Variants in SRFBP1 observed in about 807,000 individuals in gnomAD.
SRFBP1 encodes serum response factor-binding protein 1.
SRFBP1 carries 47 observed loss-of-function variants against 45.5 expected under a neutral mutation model. That is an observed-to-expected ratio of 1.03 (90% CI 0.82 to 1.32). The LOEUF (loss-of-function observed/expected upper bound fraction) is 1.32. Ranked by LOEUF, SRFBP1 falls within the 40% of genes most tolerant of loss-of-function variation. The probability of loss-of-function intolerance (pLI) is 0.00; values close to 1 mark genes in which losing one functional copy is unlikely to be tolerated. For synonymous variants in SRFBP1, 203 were observed against 166.3 expected (o/e 1.22, Z -1.70); for missense variants, 621 against 484.6 (o/e 1.28, Z -2.64).
At chr5:121,993,387 A>C (rs570773636) in intron 3 of SRFBP1, among the ~76,000 whole-genome samples, 1 of 152,312 alleles carries the variant, frequency 6.6e-6, no homozygotes, top group African/African-American at 2.4e-5. Context: ...GGTCTTGTTT[A>C]AATTGTCCTA....
chr5:122,003,755 T>G (rs563054445), intron 4 of SRFBP1, among the ~76,000 whole-genome samples: 142 of 152,312 alleles, frequency 9.3e-4, no homozygotes, highest in African/African-American at 3.3e-3. Context: ...TAGCCATTCT[T>G]ATGGGTTAGA....
At chr5:122,031,625 C>T (rs1753589132), downstream of SRFBP1, among the ~76,000 whole-genome samples, 1 of 152,086 alleles carries the variant, frequency 6.6e-6, no homozygotes, top group South Asian at 2.1e-4. Context: ...ATGAAAGTCT[C>T]ATGTCAACCA....
intron 4 of SRFBP1, among the ~76,000 whole-genome samples, chr5:121,997,381 C>G (rs1435755453): frequency 1.3e-5 from 2 of 151,342 alleles, no homozygotes; most frequent in African/African-American, 2.4e-5. Flanking sequence ...ACTGTCTGAT[C>G]TTTGACAAAC....
At chr5:122,077,826 C>T (rs1403412780), downstream of SRFBP1, 6 of 1,552,222 alleles carry the variant, frequency 3.9e-6, no homozygotes, top group Admixed American at 3.9e-5. The surrounding 1 kb of genome is among the most constrained non-coding windows in gnomAD (Gnocchi z 4.9). Flanking sequence ...AAGCTGAACA[C>T]CTGCCCGTTG....
intron 6 of SRFBP1, among the ~76,000 whole-genome samples, chr5:122,021,668 C>CTTTTTTTTTTT (rs912072262): frequency 1.0e-5 from 1 of 96,954 alleles, no homozygotes; most frequent in Non-Finnish European, 2.0e-5. Context: ...AAATATAAAT[C>CTTTTTTTTTTT]TTTTTTTTTT....
At chr5:122,017,831 C>T (rs1561593045) in intron 4 of SRFBP1, among the ~76,000 whole-genome samples, 1 of 152,160 alleles carries the variant, frequency 6.6e-6, no homozygotes, top group East Asian at 1.9e-4. Flanking sequence ...AGGATAAAGA[C>T]ATTTGAAACT....
At chr5:122,077,272 C>A, downstream of SRFBP1, 1 of 1,579,670 alleles carries the variant, frequency 6.3e-7, no homozygotes. This position sits in a 1 kb window ranked among gnomAD's most constrained non-coding sequence, Gnocchi z 4.9. Flanking sequence ...CCGGGGCCCG[C>A]CGCGCCCAGG....
rs145053695 is a variant in SRFBP1, at chr5:122,052,689, G to A, written n.312-22626G>A. On this transcript the variant is annotated intron_variant and non_coding_transcript_variant, in intron 2 of 2. Coordinates refer to the SRFBP1 transcript ENST00000504881. ...TCTTAGCTTCCTTGGATTGAGTTTC[G>A]ACATTCTCCTCAACCTCAATGATCT... Among the ~76,000 whole-genome samples the A allele has an allele frequency of 9.5e-3, 1,451 of 152,146 alleles. 27 individuals carry two copies. The highest frequency in any genetic ancestry group is 0.032 in the African/African-American group (1,348 of 41,500).
At chr5:122,077,875 C>A (rs765247394), downstream of SRFBP1, 11 of 1,536,206 alleles carry the variant, frequency 7.2e-6, no homozygotes, top group African/African-American at 1.6e-4. This position sits in a 1 kb window ranked among gnomAD's most constrained non-coding sequence, Gnocchi z 4.9. Context: ...CGCCCGGAGC[C>A]GCCGGCGGCT....
chr5:121,962,729 C>T (rs1751976221), intron 1 of SRFBP1, among the ~76,000 whole-genome samples: 1 of 152,190 alleles, frequency 6.6e-6, no homozygotes, highest in Admixed American at 6.5e-5. Context: ...ATTTCTACCA[C>T]TTATCCCCCT....
At chr5:121,975,016 G>A (rs1250443506) in intron 2 of SRFBP1, among the ~76,000 whole-genome samples, 2 of 151,870 alleles carry the variant, frequency 1.3e-5, no homozygotes, top group Middle Eastern at 3.4e-3. Flanking sequence ...TACAATGTAC[G>A]ATTGATTGAT....
chr5:121,998,688 T>C (rs1172973481), intron 4 of SRFBP1, among the ~76,000 whole-genome samples: 1 of 152,090 alleles, frequency 6.6e-6, no homozygotes, highest in East Asian at 1.9e-4. Flanking sequence ...TAAGATGCTT[T>C]ATTACTTTTC....
intron 1 of SRFBP1, among the ~76,000 whole-genome samples, chr5:121,966,477 A>G (rs955602254): frequency 2.2e-4 from 33 of 152,244 alleles, no homozygotes; most frequent in South Asian, 2.1e-4. Context: ...CATGGATAGC[A>G]TAACTGTCAA....
intron 2 of SRFBP1, among the ~76,000 whole-genome samples, chr5:122,053,341 A>G (rs1301616271): frequency 6.6e-6 from 1 of 152,146 alleles, no homozygotes. Context: ...CTCATGCAGA[A>G]GTAGGACTTC....
downstream of SRFBP1, among the ~76,000 whole-genome samples, chr5:122,032,489 T>C (rs1344068043): frequency 6.6e-6 from 1 of 152,156 alleles, no homozygotes; most frequent in Non-Finnish European, 1.5e-5. Context: ...TCTATTTTTC[T>C]TACCTCATAT....
intron 1 of SRFBP1, among the ~76,000 whole-genome samples, chr5:121,970,165 C>G (rs1238498721): frequency 6.6e-6 from 1 of 152,030 alleles, no homozygotes; most frequent in African/African-American, 2.4e-5. Context: ...ATCAGTTTTG[C>G]AAAAATCTAA....
At chr5:121,972,320 G>T (rs1237682481) in intron 1 of SRFBP1, among the ~76,000 whole-genome samples, 1 of 151,888 alleles carries the variant, frequency 6.6e-6, no homozygotes, top group Non-Finnish European at 1.5e-5. Context: ...GTAGAAAAAT[G>T]ATGGTTCCCA....
chr5:121,997,274 G>T (rs966576822), intron 4 of SRFBP1, among the ~76,000 whole-genome samples: 1 of 148,552 alleles, frequency 6.7e-6, no homozygotes, highest in South Asian at 2.1e-4. Context: ...ATACTACAAG[G>T]CTACAGTAAC....
chr5:122,063,757 A>G (rs568037903), intron 2 of SRFBP1: 1 of 152,086 alleles, frequency 6.6e-6, no homozygotes, highest in South Asian at 2.1e-4. Context: ...TTTTCATGCA[A>G]TCTGCTAAAG....
Sources: allele counts gnomAD v4.1 joint callset (sites outside exome capture counted in the v4.1 genomes callset), GRCh38; gene constraint gnomAD v4.1.1; non-coding constraint Gnocchi (gnomAD v3.1); transcripts MANE v1.5; gene names NCBI Gene and HGNC (gene_info 2026-07-23, HGNC 2026-07-21).